Variants in MYO16 observed in about 807,000 individuals in gnomAD.
MYO16 encodes the protein unconventional myosin-XVI.
A neutral mutation model predicts 205.3 loss-of-function variants in MYO16; 94 were observed. The ratio of observed to expected loss-of-function variants is 0.46; its 90% CI spans 0.39 to 0.54. The LOEUF is 0.54. MYO16 is among the 20% of genes least tolerant of loss of function. The probability of loss-of-function intolerance (pLI) is 0.00; values close to 1 mark genes in which losing one functional copy is unlikely to be tolerated. For missense variants in MYO16, 2,315 were observed against 2,387.5 expected (o/e 0.97, Z 0.63); for synonymous variants, 988 against 954.0 (o/e 1.04, Z -0.66).
the MYO16 span, among the ~76,000 whole-genome samples, chr13:108,568,515 C>A: frequency 6.6e-6 from 1 of 151,926 alleles, no homozygotes; most frequent in Non-Finnish European, 1.5e-5. Flanking sequence ...ACCCAAATTC[C>A]TTGACCATTA....
At chr13:108,638,860 C>T (rs80346755) in intron 1 of MYO16, among the ~76,000 whole-genome samples, 3 of 151,906 alleles carry the variant, frequency 2.0e-5, no homozygotes, top group Admixed American at 6.6e-5. Context: ...AAGGTGTGTG[C>T]GGAGCTGGGG....
chr13:109,036,894 T>C (rs1886735145), intron 23 of MYO16, among the ~76,000 whole-genome samples: 1 of 152,140 alleles, frequency 6.6e-6, no homozygotes, highest in African/African-American at 2.4e-5. Flanking sequence ...TCTCCTTTCA[T>C]CCCACAAATA....
intron 4 of MYO16, among the ~76,000 whole-genome samples, chr13:108,735,990 GTT>G (rs1884684777): frequency 3.5e-5 from 2 of 56,490 alleles, no homozygotes; most frequent in African/African-American, 7.7e-5. Context: ...TGATGGGGTT[GTT>G]TGTTTTTTTT....
intron 7 of MYO16, among the ~76,000 whole-genome samples, chr13:108,813,808 T>A (rs1276588652): frequency 6.6e-6 from 1 of 152,166 alleles, no homozygotes; most frequent in Non-Finnish European, 1.5e-5. Flanking sequence ...AACAGCACAC[T>A]CTACCTGCTC....
rs748931761 is a variant in MYO16, at chr13:109,125,326, G to A, written c.3750G>A (p.Glu1250=). ...CTCCCTACCATAAAGAGAAGTTAGAGGTCAGGAACATGCAAGAGGAAGGAA... is the reference window on the plus strand; with the variant it reads ...CTCCCTACCATAAAGAGAAGTTAGAAGTCAGGAACATGCAAGAGGAAGGAA... ...MNAPYHKEKL[E]VRNMQEEGSK... is the part of the protein sequence containing the mutation. Residue 1250 remains glutamate, a synonymous_variant, in exon 30 of 35, where the codon GAG becomes GAA. Coordinates refer to ENST00000457511, the MANE Select transcript of MYO16 (RefSeq NM_001198950.3). This position sits in a 1 kb window ranked among gnomAD's most constrained non-coding sequence, Gnocchi z 4.0. 3 of 1,614,076 alleles carry A rather than the reference G, an allele frequency of 1.9e-6. No individual in the cohort carries two copies. Among genetic ancestry groups the A allele is most frequent in the Admixed American group, 3.3e-5 (2 of 60,016 alleles).
chr13:108,562,696 T>C, the MYO16 span, among the ~76,000 whole-genome samples: 1 of 152,194 alleles, frequency 6.6e-6, no homozygotes, highest in Non-Finnish European at 1.5e-5. Context: ...ATATTTTTAC[T>C]GTACCTTTTA....
chr13:108,777,138 T>C (rs1886149100), intron 4 of MYO16, among the ~76,000 whole-genome samples: 2 of 152,064 alleles, frequency 1.3e-5, no homozygotes, highest in Admixed American at 1.3e-4. Flanking sequence ...CATAAAACCC[T>C]TAAGAATTTG....
At chr13:108,777,024 A>G (rs1341538934) in intron 4 of MYO16, among the ~76,000 whole-genome samples, 2 of 152,142 alleles carry the variant, frequency 1.3e-5, no homozygotes, top group Non-Finnish European at 2.9e-5. Flanking sequence ...GGCTGTGTGT[A>G]CCTAGAAGCA....
intron 1 of MYO16, among the ~76,000 whole-genome samples, chr13:108,646,003 T>TA (rs1478367867): frequency 1.3e-5 from 2 of 152,100 alleles, no homozygotes; most frequent in South Asian, 2.1e-4. Context: ...GGTATGCACT[T>TA]ACTCCCAGCC....
At chr13:108,601,903 A>G (rs190210562) in intron 1 of MYO16, among the ~76,000 whole-genome samples, 6 of 152,010 alleles carry the variant, frequency 3.9e-5, no homozygotes, top group African/African-American at 9.6e-5. Flanking sequence ...AATTCTTTCA[A>G]CCTGCTGTGG....
At chr13:108,769,817 G>C (rs1436694717) in intron 4 of MYO16, among the ~76,000 whole-genome samples, 1 of 151,392 alleles carries the variant, frequency 6.6e-6, no homozygotes, top group Non-Finnish European at 1.5e-5. Flanking sequence ...TAACTAGGTG[G>C]TTAAAAAGTC....
chr13:108,968,746 G>C (rs1883896182), intron 20 of MYO16, among the ~76,000 whole-genome samples: 1 of 152,202 alleles, frequency 6.6e-6, no homozygotes, highest in Non-Finnish European at 1.5e-5. Flanking sequence ...CCTGCCTGCT[G>C]CGCCCCTGAC....
intron 20 of MYO16, among the ~76,000 whole-genome samples, chr13:108,967,289 A>G (rs1883833247): frequency 6.6e-6 from 1 of 152,158 alleles, no homozygotes; most frequent in Non-Finnish European, 1.5e-5. Flanking sequence ...TCTATTTGTT[A>G]CACGATGGAT....
chr13:108,830,845 C>T (rs1876578687), intron 9 of MYO16, among the ~76,000 whole-genome samples: 1 of 152,104 alleles, frequency 6.6e-6, no homozygotes. Flanking sequence ...GTATTTTCTA[C>T]AGTGAACAAT....
At chr13:108,554,366 T>C in the MYO16 span, among the ~76,000 whole-genome samples, 1 of 152,146 alleles carries the variant, frequency 6.6e-6, no homozygotes, top group South Asian at 2.1e-4. Flanking sequence ...TGTTTGAGAG[T>C]GTTCATACAT....
At chr13:108,732,505 A>G (rs1031311648) in intron 4 of MYO16, among the ~76,000 whole-genome samples, 1 of 152,222 alleles carries the variant, frequency 6.6e-6, no homozygotes, top group Non-Finnish European at 1.5e-5. Flanking sequence ...GGGACGGTAC[A>G]TAGAAAGCTA....
At chr13:108,627,168 G>T (rs1282832699), upstream of MYO16, among the ~76,000 whole-genome samples, 1 of 151,786 alleles carries the variant, frequency 6.6e-6, no homozygotes, top group Non-Finnish European at 1.5e-5. Flanking sequence ...GCCTGCATTA[G>T]AAATTAATTT....
At chr13:108,843,589 T>G (rs1594337288) in intron 9 of MYO16, among the ~76,000 whole-genome samples, 1 of 152,336 alleles carries the variant, frequency 6.6e-6, no homozygotes. Flanking sequence ...TATGTTTACA[T>G]AGATTGCACT....
chr13:108,621,717 C>G (rs987141769), intron 1 of MYO16, among the ~76,000 whole-genome samples: 1 of 152,114 alleles, frequency 6.6e-6, no homozygotes, highest in Non-Finnish European at 1.5e-5. Context: ...CATACCAATG[C>G]CTACGTCATT....
Sources: allele counts gnomAD v4.1 joint callset (sites outside exome capture counted in the v4.1 genomes callset), GRCh38; gene constraint gnomAD v4.1.1; non-coding constraint Gnocchi (gnomAD v3.1); transcripts MANE v1.5; gene names NCBI Gene and HGNC (gene_info 2026-07-23, HGNC 2026-07-21).